Variants in PRKG1 observed in about 807,000 individuals in gnomAD.
PRKG1 encodes protein kinase cGMP-dependent 1, also known as cGMP-dependent protein kinase 1.
In PRKG1, 35 loss-of-function variants were observed where a neutral mutation model predicts 88.1. That is an observed-to-expected ratio of 0.40 (90% CI 0.30 to 0.53). The LOEUF (loss-of-function observed/expected upper bound fraction) is 0.53. PRKG1 is among the 20% of genes least tolerant of loss of function. The probability of loss-of-function intolerance (pLI) is 0.59; values close to 1 mark genes in which losing one functional copy is unlikely to be tolerated. For synonymous variants in PRKG1, 303 were observed against 292.5 expected (o/e 1.04, Z -0.37); for missense variants, 540 against 839.8 (o/e 0.64, Z 4.41).
chr10:52,135,433 A>G (rs1042555938), intron 8 of PRKG1, among the ~76,000 whole-genome samples: 3 of 152,106 alleles, frequency 2.0e-5, no homozygotes. Context: ...TATCACTATA[A>G]CAATGGATTT....
Position 51,588,865 on chromosome 10 carries a change from C to T in PRKG1, c.592+121029C>T, listed in dbSNP as rs139978572. On this transcript the variant is annotated intron_variant, in intron 3 of 17. Coordinates refer to ENST00000373980, the MANE Select transcript of PRKG1 (RefSeq NM_006258.4). ...TGTATAACATCAGTTATAGTAATTG[C>T]CTTTTGATAGTAGTCCAAGAATACA... 1.2e-3 allele frequency among the ~76,000 whole-genome samples: 188 copies of T among 152,028 alleles called. 2 individuals carry two copies. The East Asian group carries it at 0.016, about 13-fold the overall frequency.
intron 9 of PRKG1, among the ~76,000 whole-genome samples, chr10:52,164,712 T>C (rs1838382891): frequency 6.6e-6 from 1 of 152,190 alleles, no homozygotes. Context: ...ATTGATTTGA[T>C]AGATTATAAT....
chr10:52,264,577 C>G (rs1479004441), intron 10 of PRKG1, among the ~76,000 whole-genome samples: 3 of 151,902 alleles, frequency 2.0e-5, no homozygotes, highest in Non-Finnish European at 4.4e-5. Context: ...TAAAGAGAGC[C>G]AAAACTAAAA....
At chr10:51,202,483 G>A (rs762747599) in intron 2 of PRKG1, among the ~76,000 whole-genome samples, 1 of 152,244 alleles carries the variant, frequency 6.6e-6, no homozygotes, top group East Asian at 1.9e-4. Context: ...TAAATCTCCT[G>A]CAAGAATTCC....
At chr10:51,922,198 AT>A (rs555360330) in intron 5 of PRKG1, among the ~76,000 whole-genome samples, 20 of 150,942 alleles carry the variant, frequency 1.3e-4, no homozygotes, top group Non-Finnish European at 3.0e-5. Flanking sequence ...GTTGTTTATA[AT>A]TTTTTTTTAT....
intron 9 of PRKG1, among the ~76,000 whole-genome samples, chr10:52,180,201 T>C (rs1171535692): frequency 6.6e-6 from 1 of 152,240 alleles, no homozygotes; most frequent in Non-Finnish European, 1.5e-5. Flanking sequence ...TAGTCTGTTG[T>C]TGAAGTTCTC....
At chr10:51,507,792 C>A (rs1280515647) in intron 3 of PRKG1, among the ~76,000 whole-genome samples, 2 of 152,234 alleles carry the variant, frequency 1.3e-5, no homozygotes, top group Non-Finnish European at 2.9e-5. Flanking sequence ...AGAGCTCTTT[C>A]AATTACACCA....
intron 1 of PRKG1, among the ~76,000 whole-genome samples, chr10:51,140,805 A>C (rs903079622): frequency 1.3e-5 from 2 of 152,212 alleles, no homozygotes; most frequent in African/African-American, 4.8e-5. Flanking sequence ...GTGTGTGTCC[A>C]GCAATTCTTG....
chr10:51,427,890 G>A (rs888043203), intron 2 of PRKG1, among the ~76,000 whole-genome samples: 1 of 152,108 alleles, frequency 6.6e-6, no homozygotes, highest in African/African-American at 2.4e-5. Flanking sequence ...AACACCAGGT[G>A]GTGAAGAATT....
chr10:52,012,529 A>G (rs1051822660), intron 5 of PRKG1, among the ~76,000 whole-genome samples: 2 of 152,022 alleles, frequency 1.3e-5, no homozygotes, highest in African/African-American at 2.4e-5. Context: ...GGCGTGAGCC[A>G]CCGCGCCCAG....
At chr10:52,060,429 G>T (rs1349219997) in intron 6 of PRKG1, among the ~76,000 whole-genome samples, 3 of 151,724 alleles carry the variant, frequency 2.0e-5, no homozygotes, top group African/African-American at 7.3e-5. Flanking sequence ...TGTTCAACAG[G>T]ACACCATAAA....
chr10:52,183,189 T>C (rs546524389), intron 9 of PRKG1, among the ~76,000 whole-genome samples: 2 of 152,240 alleles, frequency 1.3e-5, no homozygotes, highest in African/African-American at 4.8e-5. Flanking sequence ...TTTCAACATA[T>C]GATTTGGAGT....
chr10:51,593,579 G>A (rs561588452), intron 3 of PRKG1, among the ~76,000 whole-genome samples: 1 of 152,122 alleles, frequency 6.6e-6, no homozygotes, highest in South Asian at 2.1e-4. Context: ...TTATTCAAAC[G>A]CAGGTGGTCA....
intron 3 of PRKG1, among the ~76,000 whole-genome samples, chr10:51,740,634 TAA>T (rs1837409521): frequency 6.6e-6 from 1 of 152,308 alleles, no homozygotes; most frequent in South Asian, 2.1e-4. Flanking sequence ...AATATTAGTA[TAA>T]ATGGCAAATA....
chr10:51,735,854 C>CATAT (rs146700314), intron 3 of PRKG1, among the ~76,000 whole-genome samples: 9,473 of 113,868 alleles, frequency 0.083, 449 homozygotes, highest in Admixed American at 0.15. Flanking sequence ...GGCCTGACTG[C>CATAT]ATATATATAT....
At chr10:52,012,140 T>A (rs1844901057) in intron 5 of PRKG1, among the ~76,000 whole-genome samples, 1 of 152,200 alleles carries the variant, frequency 6.6e-6, no homozygotes, top group African/African-American at 2.4e-5. Flanking sequence ...AGTTGTCTAG[T>A]TTAGTGATAT....
intron 3 of PRKG1, among the ~76,000 whole-genome samples, chr10:51,790,459 A>G (rs1838841481): frequency 6.6e-6 from 1 of 152,152 alleles, no homozygotes; most frequent in Non-Finnish European, 1.5e-5. Flanking sequence ...ATGCATTATG[A>G]TATCTGTTTC....
chr10:51,001,131 T>A (rs1842884585), intron 1 of PRKG1, among the ~76,000 whole-genome samples: 1 of 152,200 alleles, frequency 6.6e-6, no homozygotes, highest in African/African-American at 2.4e-5. Flanking sequence ...ATTTATAAAC[T>A]CTCTTGCCTT....
chr10:51,714,221 G>A (rs1358840071), intron 3 of PRKG1, among the ~76,000 whole-genome samples: 1 of 152,064 alleles, frequency 6.6e-6, no homozygotes, highest in Non-Finnish European at 1.5e-5. Flanking sequence ...CTCGTGATCC[G>A]CCCACCTCGG....
Sources: allele counts gnomAD v4.1 joint callset (sites outside exome capture counted in the v4.1 genomes callset), GRCh38; gene constraint gnomAD v4.1.1; transcripts MANE v1.5; gene names NCBI Gene and HGNC (gene_info 2026-07-23, HGNC 2026-07-21).